The following DKK3 variants were observed in gnomAD, a reference collection of about 807,000 sequenced individuals.
The protein encoded by DKK3 is dickkopf Wnt signaling pathway inhibitor 3, also known as dickkopf-related protein 3.
In DKK3, 22 loss-of-function variants were observed where a neutral mutation model predicts 33.2. The ratio of observed to expected loss-of-function variants is 0.66; its 90% CI spans 0.47 to 0.95. The LOEUF (loss-of-function observed/expected upper bound fraction) is 0.95. Among genes scored for constraint, DKK3 ranks in the 40% least tolerant of loss-of-function variants. The pLI is 0.00. For missense variants in DKK3, 398 were observed against 458.4 expected, an observed-to-expected ratio of 0.87 and a Z score of 1.20; for synonymous variants, 194 against 188.8, an observed-to-expected ratio of 1.03 and a Z score of -0.23.
intron 3 of DKK3, among the ~76,000 whole-genome samples, chr11:11,973,420 G>A (rs149933969): frequency 6.6e-6 from 1 of 152,310 alleles, no homozygotes; most frequent in East Asian, 1.9e-4. Flanking sequence ...AGGAACTCAC[G>A]GTCAAGGCCA....
rs1848354923 is a variant in DKK3 at position 11,998,734 on chromosome 11, T to C, written c.397A>G (p.Ile133Val). Residue 133 changes from isoleucine to valine, a missense_variant, in exon 3 of 7, where the codon ATC (isoleucine) becomes GTC (valine). Physicochemically the swap from Ile to Val is conservative, Grantham distance 29. Transcript: ENST00000683431. ...TGQMVFSETVITSVGDEEGRR... is the reference protein window; with the variant it reads ...TGQMVFSETVVTSVGDEEGRR... ...CCTTCTTCGTCTCCCACAGATGTGA[T>C]AACTGTCTCTGAAAAGACCATTTGT... 1.9e-6 allele frequency: 3 copies of C among 1,614,260 alleles called. No homozygotes were observed. The highest frequency in any genetic ancestry group is 1.3e-5 in the African/African-American group (1 of 75,066).
At chr11:11,971,379 C>T (rs983521618) in intron 3 of DKK3, among the ~76,000 whole-genome samples, 1 of 152,160 alleles carries the variant, frequency 6.6e-6, no homozygotes, top group African/African-American at 2.4e-5. Flanking sequence ...AAACCATAAG[C>T]TTTTGTAAAG....
At chr11:11,981,618 G>A (rs1242886379) in intron 3 of DKK3, among the ~76,000 whole-genome samples, 1 of 152,140 alleles carries the variant, frequency 6.6e-6, no homozygotes, top group Non-Finnish European at 1.5e-5. Context: ...GGGGCTGGGG[G>A]TGGGGCTGCT....
chr11:12,009,272 C>T (rs1321366239), upstream of DKK3: 37 of 984,128 alleles, frequency 3.8e-5, no homozygotes, highest in Admixed American at 6.2e-5. Context: ...GCGCGGTGGG[C>T]GGGCCGCGGG....
intron 3 of DKK3, among the ~76,000 whole-genome samples, chr11:11,971,841 T>G (rs1442501741): frequency 1.3e-5 from 2 of 152,170 alleles, no homozygotes; most frequent in East Asian, 3.8e-4. Context: ...GAAAAAAAAT[T>G]TTGGCATGGA....
chr11:12,002,203 C>T, intron 2 of DKK3, 97 bp downstream of exon 2: 1 of 1,319,458 alleles, frequency 7.6e-7, no homozygotes, highest in Non-Finnish European at 1.0e-6. Context: ...GTAGTTTGGG[C>T]TTGTATATCA....
chr11:11,964,235 C>T lies in DKK3; in HGVS notation c.*229G>A. The T allele has an allele frequency of 1.7e-6, 1 of 584,494 alleles. No homozygotes were observed. The highest frequency in any genetic ancestry group is 3.0e-6 in the Non-Finnish European group (1 of 334,238). The allele number at this position is 584,494 out of a possible 1,614,324, so 36.2% of individuals were successfully genotyped here. A position where few individuals can be genotyped will look rare whatever the true frequency, so the allele number is the denominator to read the frequency against. On this transcript the variant is annotated 3_prime_UTR_variant, in exon 7 of 7. Transcript: ENST00000683431. ...TAATCTGGACAGGGGTGGCAAACTG[C>T]TCCTGCAGTTTAACCCTGCCTGACT...
chr11:12,008,652 C>G (rs983574808), upstream of DKK3: 6 of 1,270,238 alleles, frequency 4.7e-6, no homozygotes, highest in East Asian at 3.2e-5. The surrounding 1 kb of genome is among the most constrained non-coding windows in gnomAD (Gnocchi z 4.6). Flanking sequence ...GACCACCCCC[C>G]TCGCTGGGCC....
chr11:11,965,603 G>A (rs1250843086), intron 6 of DKK3, among the ~76,000 whole-genome samples: 1 of 152,126 alleles, frequency 6.6e-6, no homozygotes, highest in African/African-American at 2.4e-5. Flanking sequence ...CCCCAGATCT[G>A]TGCCTCCTGG....
At chr11:11,982,845 G>A (rs953912573) in intron 3 of DKK3, among the ~76,000 whole-genome samples, 13 of 152,146 alleles carry the variant, frequency 8.5e-5, no homozygotes, top group Admixed American at 4.6e-4. Context: ...TCTCAAACAC[G>A]GCAATTAATG....
At chr11:11,971,358 G>A (rs1309233924) in intron 3 of DKK3, among the ~76,000 whole-genome samples, 1 of 152,164 alleles carries the variant, frequency 6.6e-6, no homozygotes, top group Non-Finnish European at 1.5e-5. Context: ...AACAAAAGCA[G>A]GGAAATTTTG....
intron 3 of DKK3, among the ~76,000 whole-genome samples, chr11:11,990,475 A>G (rs943327734): frequency 6.6e-6 from 1 of 152,264 alleles, no homozygotes; most frequent in Non-Finnish European, 1.5e-5. Flanking sequence ...GCAAAGCTCC[A>G]TCGCCACGAA....
chr11:12,003,331 C>CAGAGGGACCCTTGT (rs1416660593), intron 1 of DKK3, among the ~76,000 whole-genome samples: 3 of 152,158 alleles, frequency 2.0e-5, no homozygotes, highest in Admixed American at 2.0e-4. Context: ...GAAATCCTTG[C>CAGAGGGACCCTTGT]AGAGGGACCC....
rs577913842 is a variant in DKK3, at chr11:12,008,376, C to T, written c.207G>A (p.Val69=). The T allele has an allele frequency of 6.2e-6, 10 of 1,604,992 alleles. No individual in the cohort carries two copies. The South Asian group carries it at 1.0e-4, about 16-fold the overall frequency. The part of the protein sequence containing the change: ...EDTQHKLRSA[V]EEMEAEEAAA... Reference sequence around the variant, plus strand: ...GCCGCCAGGGCGCACCCACCTCTTCCACCGCGCTGCGCAATTTGTGCTGCG... The same window carrying T: ...GCCGCCAGGGCGCACCCACCTCTTCTACCGCGCTGCGCAATTTGTGCTGCG... The change falls in exon 1 of 7, where the codon GTG becomes GTA. Residue 69 remains valine, a synonymous_variant. Transcript: ENST00000683431. This position sits in a 1 kb window ranked among gnomAD's most constrained non-coding sequence, Gnocchi z 4.6.
intron 3 of DKK3, among the ~76,000 whole-genome samples, chr11:11,985,531 C>A (rs1848052334): frequency 6.6e-6 from 1 of 152,226 alleles, no homozygotes; most frequent in African/African-American, 2.4e-5. Flanking sequence ...TATTAGTGAC[C>A]TTCCCACCAT....
intron 3 of DKK3, among the ~76,000 whole-genome samples, chr11:11,970,270 A>G (rs1241489389): frequency 2.0e-5 from 3 of 152,184 alleles, no homozygotes. Context: ...TCGTAATTCA[A>G]TTGGAAAAAG....
chr11:11,995,774 G>A (rs564088772), intron 3 of DKK3, among the ~76,000 whole-genome samples: 38 of 152,324 alleles, frequency 2.5e-4, no homozygotes, highest in South Asian at 1.2e-3. Context: ...TGGGGCAGGC[G>A]GCAAGTGCAG....
intron 1 of DKK3, among the ~76,000 whole-genome samples, chr11:12,004,938 G>A (rs1848506530): frequency 6.6e-6 from 1 of 152,130 alleles, no homozygotes; most frequent in East Asian, 1.9e-4. Context: ...GAAGAAATGG[G>A]GCTGAGATAG....
chr11:12,009,336 C>T, upstream of DKK3: 1 of 976,170 alleles, frequency 1.0e-6, no homozygotes, highest in Middle Eastern at 5.3e-4. Flanking sequence ...GCCCGCAAGA[C>T]GCGCCCCGCC....
Sources: allele counts gnomAD v4.1 joint callset (sites outside exome capture counted in the v4.1 genomes callset), GRCh38; gene constraint gnomAD v4.1.1; non-coding constraint Gnocchi (gnomAD v3.1); transcripts MANE v1.5; gene names NCBI Gene and HGNC (gene_info 2026-07-23, HGNC 2026-07-21).